SLC11A1: variants seen among roughly 807,000 people sequenced by gnomAD.
SLC11A1 encodes natural resistance-associated macrophage protein 1.
Under a neutral mutation model 63.2 loss-of-function variants are expected in SLC11A1, and 59 were observed. That is an observed-to-expected ratio of 0.93 (90% CI 0.76 to 1.16). SLC11A1 has a LOEUF of 1.16. Among genes scored for constraint, SLC11A1 ranks in the 50% most tolerant of loss-of-function variants. The pLI, the probability that SLC11A1 is intolerant of heterozygous loss-of-function variation, is 0.00. For synonymous variants in SLC11A1, 305 were observed against 307.8 expected, an observed-to-expected ratio of 0.99 and a Z score of 0.09; for missense variants, 688 against 730.7, an observed-to-expected ratio of 0.94 and a Z score of 0.67.
intron 5 of SLC11A1, 126 bp from the exon 6 acceptor site, chr2:218,387,034 T>G (rs1168217650): frequency 2.3e-6 from 2 of 868,410 alleles, no homozygotes; most frequent in Non-Finnish European, 3.9e-6. Flanking sequence ...CCCCTTGCCC[T>G]AGCTGTCTGG....
Position 218,394,760 on chromosome 2 carries a change from C to A in SLC11A1, c.1517C>A (p.Ala506Asp). The A allele has an allele frequency of 6.2e-7, 1 of 1,613,144 alleles. No individual in the cohort carries two copies. The highest frequency in any genetic ancestry group is 1.1e-5 in the South Asian group (1 of 91,092). The stretch of plus-strand genomic sequence containing the variant: ...GGCCTTGCAGCCTTGCTGGCCGCAG[C>A]CTACCTGGGCCTCAGCACCTACCTG... ...YFGLAALLAA[A>D]YLGLSTYLVW... The change falls in exon 14 of 15, where the codon GCC (alanine) becomes GAC (aspartate). Residue 506 changes from alanine (A) to aspartate (D), a missense_variant. Ala to Asp is a moderately radical substitution (Grantham distance 126). Coordinates refer to ENST00000233202, the MANE Select transcript of SLC11A1 (RefSeq NM_000578.4).
At chr2:218,387,111 T>TA (rs766898461) in intron 5 of SLC11A1, 49 bp from the exon 6 acceptor site, 4 of 1,552,224 alleles carry the variant, frequency 2.6e-6, no homozygotes, top group Non-Finnish European at 3.6e-6. Flanking sequence ...CCGTAGGAGT[T>TA]AGAGACCCCT....
chr2:218,393,516 A>G (rs1308065725), intron 12 of SLC11A1, among the ~76,000 whole-genome samples: 5 of 134,354 alleles, frequency 3.7e-5, no homozygotes, highest in Admixed American at 7.9e-5. Context: ...CACTCTTGTT[A>G]CCCAGGCTAG....
At chr2:218,385,081 C>T in intron 3 of SLC11A1, 66 bp from the exon 4 acceptor site, 1 of 1,601,598 alleles carries the variant, frequency 6.2e-7, no homozygotes, top group African/African-American at 1.3e-5. Flanking sequence ...TTAGAGGGTA[C>T]CACGAGCTCA....
At chr2:218,391,532 C>A in intron 11 of SLC11A1, 37 bp downstream of exon 11, 1 of 1,551,430 alleles carries the variant, frequency 6.4e-7, no homozygotes, top group East Asian at 2.4e-5. Flanking sequence ...GCAAGGGGTC[C>A]AAGGACAGCA....
chr2:218,394,947 A>C lies in SLC11A1; in HGVS notation c.1565A>C (p.His522Pro). The C allele has an allele frequency of 6.2e-7, 1 of 1,613,242 alleles. No homozygotes were observed. Among genetic ancestry groups the C allele is most frequent in the Non-Finnish European group, 8.5e-7 (1 of 1,179,726 alleles). Residue 522 changes from histidine to proline, a missense_variant, in exon 15 of 15, where the codon CAC becomes CCC. By Grantham distance (77) the His-to-Pro change is moderately conservative. Transcript: ENST00000233202. ...CAGGTCTGGACCTGTTGCCTTGCCCACGGAGCCACCTTTCTGGCCCACAGC... is the reference window on the plus strand; with the variant it reads ...CAGGTCTGGACCTGTTGCCTTGCCCCCGGAGCCACCTTTCTGGCCCACAGC... ...TYLVWTCCLA[H>P]GATFLAHSSH... is the part of the protein sequence containing the mutation.
Position 218,385,502 on chromosome 2 carries a change from T to C in SLC11A1, c.393+236T>C, listed in dbSNP as rs148140466. ...ACCTCCCAGGTACAAGTGATTCTCC[T>C]GACTCAGCCTCTCAAGTAGCTGGGA... On this transcript the variant is annotated intron_variant, in intron 4 of 14. Transcript: ENST00000233202. 1,457 of 548,552 alleles carry C rather than the reference T, an allele frequency of 2.7e-3. 18 individuals carry two copies. The highest frequency in any genetic ancestry group is 0.024 in the African/African-American group (1,288 of 53,196). 34.0% of individuals were successfully genotyped at this position (548,552 alleles called of 1,614,324 possible). A position where few individuals can be genotyped will look rare whatever the true frequency, so the allele number is the denominator to read the frequency against.
chr2:218,395,276 G>A lies in SLC11A1; in HGVS notation c.*241G>A. On this transcript the variant is annotated 3_prime_UTR_variant, in exon 15 of 15. Transcript: ENST00000233202. ...CATGGAGGTTAAGCACTTTAACACAGTGTCTGGCACTTGGGACAAAAACAA... is the reference window on the plus strand; with the variant it reads ...CATGGAGGTTAAGCACTTTAACACAATGTCTGGCACTTGGGACAAAAACAA... The A allele has an allele frequency of 1.9e-6, 1 of 527,158 alleles. No individual in the cohort carries two copies. The highest frequency in any genetic ancestry group is 3.1e-5 in the East Asian group (1 of 32,264). 32.7% of individuals were successfully genotyped at this position (527,158 alleles called of 1,614,324 possible). A position where few individuals can be genotyped will look rare whatever the true frequency, so the allele number is the denominator to read the frequency against.
rs1372262853 is a variant in SLC11A1, at chr2:218,396,839, G to A, written c.*1804G>A. ...GTGCCAGTCCTCTGCCAGGCTCTGT[G>A]TTACAAGTTGGGGAGGGCGGCAAAG... On this transcript the variant is annotated 3_prime_UTR_variant, in exon 15 of 15. Coordinates refer to ENST00000233202, the MANE Select transcript of SLC11A1 (RefSeq NM_000578.4). The A allele has an allele frequency of 6.6e-6, 1 of 152,648 alleles. No homozygotes were observed. The highest frequency in any genetic ancestry group is 1.9e-4 in the East Asian group (1 of 5,330). 9.5% of individuals were successfully genotyped at this position (152,648 alleles called of 1,614,324 possible). A position where few individuals can be genotyped will look rare whatever the true frequency, so the allele number is the denominator to read the frequency against.
At chr2:218,392,868 G>C in intron 11 of SLC11A1, 113 bp from the exon 12 acceptor site, 1 of 854,870 alleles carries the variant, frequency 1.2e-6, no homozygotes, top group Non-Finnish European at 1.7e-6. Context: ...GTTCAACAGT[G>C]GAAAAACAGA....
intron 1 of SLC11A1, 35 bp downstream of exon 1, chr2:218,382,410 G>T (rs369962804): frequency 1.9e-6 from 3 of 1,612,652 alleles, no homozygotes; most frequent in Non-Finnish European, 2.5e-6. Flanking sequence ...AGCCTGATTG[G>T]GGGGTGGAGT....
At chr2:218,389,308 A>G (rs1261404072) in intron 8 of SLC11A1, among the ~76,000 whole-genome samples, 1 of 151,500 alleles carries the variant, frequency 6.6e-6, no homozygotes. Flanking sequence ...CACACCTGTA[A>G]TCTCAGCATT....
Position 218,395,130 on chromosome 2 carries a change from C to A in SLC11A1, c.*95C>A. ...GTGCAGGCAGCAGGATAGAGTGGGA[C>A]AGTTCCTGAGACCAGCCAACCTGGG... is the stretch of plus-strand genomic sequence containing the variant. On this transcript the variant is annotated 3_prime_UTR_variant, in exon 15 of 15. Transcript: ENST00000233202. 2 of 949,214 alleles carry A rather than the reference C, an allele frequency of 2.1e-6. No individual in the cohort carries two copies. Among genetic ancestry groups the A allele is most frequent in the Non-Finnish European group, 3.2e-6 (2 of 623,866 alleles). 58.8% of individuals were successfully genotyped at this position (949,214 alleles called of 1,614,324 possible).
At chr2:218,387,333 T>C (rs993610284) in intron 6 of SLC11A1, 103 bp downstream of exon 6, 4 of 1,158,116 alleles carry the variant, frequency 3.5e-6, no homozygotes, top group Non-Finnish European at 5.0e-6. Context: ...CTGAGCTCCC[T>C]CACTCTCCCT....
rs758375510 is a variant in SLC11A1 at position 218,383,069 on chromosome 2, G to C, written c.117G>C (p.Leu39=). 3.3e-5 allele frequency: 53 copies of C among 1,613,948 alleles called. No homozygotes were observed. Among genetic ancestry groups the C allele is most frequent in the Non-Finnish European group, 4.5e-5 (53 of 1,179,954 alleles). ...PQQAPPRETY[L]SEKIPIPDTK... ...AAGCACCTCCCAGAGAGACCTACCT[G>C]AGTGAGAAGATCCCCATCCCAGACA... Residue 39 remains leucine (L), a synonymous_variant, in exon 2 of 15, where the codon CTG becomes CTC. Transcript: ENST00000233202.
chr2:218,386,740 C>T lies in SLC11A1; in HGVS notation c.499C>T (p.Arg167Ter), dbSNP rs369053258. The change falls in exon 5 of 15, where the codon CGA (arginine) becomes TGA (stop). Residue 167 changes from arginine to a stop codon, truncating the protein, a stop_gained and splice_region_variant. Transcript: ENST00000233202. LOFTEE classifies it high-confidence loss of function. ...TGCATTCAATCTGCTCTCAGCTGGA[C>T]GGTACCACCCCAGTGTACCCCAACT... is the stretch of plus-strand genomic sequence containing the variant. Reference protein sequence around the residue: ...AIAFNLLSAGRIPLWGGVLIT... With the variant: ...AIAFNLLSAG 8.1e-6 allele frequency: 13 copies of T among 1,611,234 alleles called. No individual in the cohort carries two copies. Among genetic ancestry groups the T allele is most frequent in the African/African-American group, 6.7e-5 (5 of 74,878 alleles).
At position 218,392,976 on chromosome 2, in the gene SLC11A1, C is replaced by T; in HGVS notation, c.1165-5C>T. On this transcript the variant is annotated splice_region_variant and splice_polypyrimidine_tract_variant and intron_variant, in intron 11 of 14. Transcript: ENST00000233202. ...TCCTCACCAAGGAGTTCACCCCCAC[C>T]CCAGGGCTTCCTGAGGCTGCGGTGG... The T allele has an allele frequency of 6.3e-7, 1 of 1,589,436 alleles. No homozygotes were observed. Among genetic ancestry groups the T allele is most frequent in the Non-Finnish European group, 8.5e-7 (1 of 1,171,226 alleles).
intron 5 of SLC11A1, 35 bp from the exon 6 acceptor site, chr2:218,387,125 C>T: frequency 6.2e-7 from 1 of 1,603,424 alleles, no homozygotes; most frequent in Non-Finnish European, 8.5e-7. Context: ...GACCCCTGGA[C>T]CAGGCTGGGC....
chr2:218,382,480 G>A (rs866418145), intron 1 of SLC11A1, 105 bp downstream of exon 1: 1 of 1,244,578 alleles, frequency 8.0e-7, no homozygotes. Flanking sequence ...GGTCCCCTGT[G>A]GAAGCCTCTG....
Sources: allele counts gnomAD v4.1 joint callset (sites outside exome capture counted in the v4.1 genomes callset), GRCh38; gene constraint gnomAD v4.1.1; transcripts MANE v1.5; gene names NCBI Gene and HGNC (gene_info 2026-07-23, HGNC 2026-07-21).